Variants in ANK2 observed in about 807,000 individuals in gnomAD.
ANK2 encodes the protein ankyrin 2, also known as ankyrin-2.
ANK2 carries 83 observed loss-of-function variants against 360.5 expected under a neutral mutation model. The observed-to-expected ratio is 0.23, with a 90% CI of 0.19 to 0.28. ANK2 has a LOEUF of 0.28. Among genes scored for constraint, ANK2 ranks in the 10% least tolerant of loss-of-function variants. The pLI is 1.00. For synonymous variants in ANK2, 1,740 were observed against 1,759.5 expected, an observed-to-expected ratio of 0.99 and a Z score of 0.28; for missense variants, 4,201 against 4,795.7, an observed-to-expected ratio of 0.88 and a Z score of 3.66.
the ANK2 span, among the ~76,000 whole-genome samples, chr4:112,791,076 T>C: frequency 1.2e-4 from 18 of 152,314 alleles, no homozygotes; most frequent in East Asian, 2.5e-3. Context: ...TTAAGTTTAT[T>C]TCATGTGGCT....
chr4:113,127,561 A>C (rs570252416), intron 1 of ANK2, among the ~76,000 whole-genome samples: 1 of 152,066 alleles, frequency 6.6e-6, no homozygotes, highest in South Asian at 2.1e-4. Context: ...GTTGCTTTTA[A>C]GAGAGATTGT....
In ANK2 at chr4:113,199,071, CTTG is replaced by C; in HGVS notation, c.349_351del (p.Val117del). ...TGGACAAGCAGAAGTTGTCAAAGTT[CTTG>C]TTAAGGAAGGAGCCAATATTAATGC... On this transcript the variant is annotated inframe_deletion, in exon 4 of 46. Transcript: ENST00000357077. 6.2e-7 allele frequency: 1 copy of C among 1,613,288 alleles called. No individual in the cohort carries two copies. Among genetic ancestry groups the C allele is most frequent in the Non-Finnish European group, 8.5e-7 (1 of 1,179,450 alleles).
chr4:113,297,195 T>G (rs1402520478), intron 22 of ANK2, among the ~76,000 whole-genome samples: 2 of 152,074 alleles, frequency 1.3e-5, no homozygotes, highest in Non-Finnish European at 2.9e-5. Flanking sequence ...AAAATGTATA[T>G]TTCAACATAA....
intron 1 of ANK2, among the ~76,000 whole-genome samples, chr4:113,160,833 G>C (rs73841262): frequency 0.011 from 1,692 of 152,250 alleles, 30 homozygotes; most frequent in African/African-American, 0.039. Context: ...ATTTATAAAC[G>C]ATTGAATGTT....
chr4:113,111,645 G>T (rs2094311822), intron 1 of ANK2, among the ~76,000 whole-genome samples: 1 of 152,126 alleles, frequency 6.6e-6, no homozygotes, highest in Non-Finnish European at 1.5e-5. Flanking sequence ...TAACTGTAGT[G>T]TTCCAATCCT....
In ANK2 at chr4:113,383,345, G is replaced by A. The variant is rs2154093770; in HGVS notation, c.*1874G>A. On this transcript the variant is annotated 3_prime_UTR_variant, in exon 46 of 46. Coordinates refer to ENST00000357077, the MANE Select transcript of ANK2 (RefSeq NM_001148.6). ...TTTTTGGCAGTTGGATAGGAAATGAGACATTCTTTGGCAGCCAAAATAAGA... is the reference window on the plus strand; with the variant it reads ...TTTTTGGCAGTTGGATAGGAAATGAAACATTCTTTGGCAGCCAAAATAAGA... 1 of 152,726 alleles carries A rather than the reference G, an allele frequency of 6.5e-6. No homozygotes were observed. The highest frequency in any genetic ancestry group is 1.5e-5 in the Non-Finnish European group (1 of 68,024). The allele number at this position is 152,726 out of a possible 1,614,324, so 9.5% of individuals were successfully genotyped here. A position where few individuals can be genotyped will look rare whatever the true frequency, so the allele number is the denominator to read the frequency against.
intron 1 of ANK2, among the ~76,000 whole-genome samples, chr4:113,144,608 A>G (rs188095531): frequency 2.0e-5 from 3 of 151,432 alleles, no homozygotes; most frequent in Middle Eastern, 3.2e-3. Context: ...ATGTGGATGG[A>G]TAATATAAAA....
chr4:112,908,262 A>C (rs2085932643), intron 2 of ANK2, among the ~76,000 whole-genome samples: 1 of 152,202 alleles, frequency 6.6e-6, no homozygotes, highest in Non-Finnish European at 1.5e-5. Context: ...CAATGCAATG[A>C]GGTGGATATT....
intron 1 of ANK2, among the ~76,000 whole-genome samples, chr4:112,841,648 T>C (rs929456266): frequency 6.6e-6 from 1 of 152,226 alleles, no homozygotes; most frequent in African/African-American, 2.4e-5. Flanking sequence ...TTGGGCTTTA[T>C]CCTGGCTTCC....
intron 2 of ANK2, among the ~76,000 whole-genome samples, chr4:113,003,491 A>G (rs1477533134): frequency 6.6e-6 from 1 of 152,232 alleles, no homozygotes; most frequent in Non-Finnish European, 1.5e-5. Context: ...CTGGCCGAAT[A>G]TTATTAAATA....
intron 2 of ANK2, among the ~76,000 whole-genome samples, chr4:112,998,143 G>A (rs1410155809): frequency 6.6e-6 from 1 of 151,988 alleles, no homozygotes; most frequent in Non-Finnish European, 1.5e-5. Flanking sequence ...CACACTGTGA[G>A]TTTTTCAGAA....
chr4:112,774,906 A>G, the ANK2 span, among the ~76,000 whole-genome samples: 5 of 152,242 alleles, frequency 3.3e-5, no homozygotes, highest in African/African-American at 7.2e-5. Flanking sequence ...GCTTTGAAAA[A>G]TAATACTTGT....
In ANK2 at chr4:113,042,261, T is replaced by C. The variant is rs77866276; in HGVS notation, c.22-132155T>C. On this transcript the variant is annotated intron_variant, in intron 2 of 30. Transcript: ENST00000503271. ...TTCTAGGCCTTCAGACTCCAGGGCT[T>C]ACACCAGCCTCTCCACCCTCACCCT... 9.1e-3 allele frequency among the ~76,000 whole-genome samples: 1,378 copies of C among 152,200 alleles called. 35 individuals are homozygous for C. Among genetic ancestry groups the C allele is most frequent in the East Asian group, 0.087 (446 of 5,146 alleles).
intron 23 of ANK2, among the ~76,000 whole-genome samples, chr4:113,309,330 A>G (rs1292825060): frequency 6.6e-6 from 1 of 152,156 alleles, no homozygotes; most frequent in Non-Finnish European, 1.5e-5. Flanking sequence ...CTATATACCT[A>G]GGGCCACCCC....
At chr4:112,910,463 A>G (rs910556297) in intron 2 of ANK2, among the ~76,000 whole-genome samples, 12 of 152,218 alleles carry the variant, frequency 7.9e-5, no homozygotes, top group African/African-American at 2.7e-4. Flanking sequence ...TGAAGTATTC[A>G]TTATCGTAAA....
In ANK2 at chr4:113,356,044, C is replaced by A. The variant is rs1479624503; in HGVS notation, c.7426C>A (p.Pro2476Thr). The change falls in exon 38 of 46, where the codon CCA (proline) becomes ACA (threonine). Residue 2476 changes from proline to threonine, a missense_variant. By Grantham distance (38) the Pro-to-Thr change is conservative. Transcript: ENST00000357077. ...CTCTCTGGAAAGCAGCCCTGTTGAA[C>A]CAAAGATGAAGGCTGGAATTTTTCC... ...RDSLESSPVE[P>T]KMKAGIFPSH... The A allele has an allele frequency of 6.2e-7, 1 of 1,613,982 alleles. No individual in the cohort carries two copies. Among genetic ancestry groups the A allele is most frequent in the East Asian group, 2.2e-5 (1 of 44,890 alleles).
intron 2 of ANK2, among the ~76,000 whole-genome samples, chr4:113,005,334 A>G (rs1314778802): frequency 6.6e-6 from 1 of 152,228 alleles, no homozygotes; most frequent in East Asian, 1.9e-4. Flanking sequence ...TTTGGAATCA[A>G]CCTAAGTGCC....
At chr4:113,285,488 TCACAGAAA>T (rs774616059) in intron 18 of ANK2, among the ~76,000 whole-genome samples, 1 of 152,168 alleles carries the variant, frequency 6.6e-6, no homozygotes, top group Non-Finnish European at 1.5e-5. Context: ...CTCACAGAGC[TCACAGAAA>T]CACTTACATT....
At chr4:113,272,399 C>T (rs1004190173) in intron 14 of ANK2, among the ~76,000 whole-genome samples, 1 of 152,214 alleles carries the variant, frequency 6.6e-6, no homozygotes. Context: ...TTCTGCACTT[C>T]CCCAATTCTT....
Sources: gnomAD v4.1 joint callset for allele counts (sites outside exome capture counted in the v4.1 genomes callset) on GRCh38, gnomAD v4.1.1 for gene constraint, MANE v1.5 for transcripts, NCBI Gene and HGNC (gene_info 2026-07-23, HGNC 2026-07-21) for gene names.